Variants in PLCG2 observed in about 807,000 individuals in gnomAD.
The protein encoded by PLCG2 is 1-phosphatidylinositol 4,5-bisphosphate phosphodiesterase gamma-2.
A neutral mutation model predicts 175.6 loss-of-function variants in PLCG2; 69 were observed. The ratio of observed to expected loss-of-function variants is 0.39; its 90% CI spans 0.32 to 0.48. The LOEUF (loss-of-function observed/expected upper bound fraction) is 0.48. Ranked by LOEUF, PLCG2 falls within the 20% of genes least tolerant of loss-of-function variation. The pLI is 0.91. For missense variants in PLCG2, 1,798 were observed against 1,650.9 expected, an observed-to-expected ratio of 1.09 and a Z score of -1.54; for synonymous variants, 827 against 624.0, an observed-to-expected ratio of 1.33 and a Z score of -4.85.
intron 2 of PLCG2, among the ~76,000 whole-genome samples, chr16:81,834,508 A>G (rs1295399967): frequency 6.6e-6 from 1 of 152,044 alleles, no homozygotes; most frequent in East Asian, 1.9e-4. Context: ...TGATAATGGT[A>G]GTTACTTAGG....
chr16:81,797,651 C>T lies in PLCG2; in HGVS notation c.193+11469C>T, dbSNP rs368637152. Among the ~76,000 whole-genome samples the T allele has an allele frequency of 4.8e-4, 73 of 152,354 alleles. 1 individual carries two copies. In the South Asian group the frequency reaches 0.011, roughly 22 times the overall value. ...AGGAAAAGGCCCTGGCTGCCCCTTTCAGCCTCGGACTTCCGGTTTCTTCCT... is the reference window on the plus strand; with the variant it reads ...AGGAAAAGGCCCTGGCTGCCCCTTTTAGCCTCGGACTTCCGGTTTCTTCCT... On this transcript the variant is annotated intron_variant, in intron 2 of 32. Transcript: ENST00000564138.
At chr16:81,892,387 C>T (rs1432228625) in intron 11 of PLCG2, among the ~76,000 whole-genome samples, 1 of 152,132 alleles carries the variant, frequency 6.6e-6, no homozygotes, top group Non-Finnish European at 1.5e-5. Context: ...AGTATTTAGT[C>T]TGTCTTATTG....
chr16:81,784,867 G>C (rs1294260610), intron 1 of PLCG2, among the ~76,000 whole-genome samples: 1 of 152,126 alleles, frequency 6.6e-6, no homozygotes, highest in Non-Finnish European at 1.5e-5. Flanking sequence ...TTCACTCTAA[G>C]TCCTATTTTG....
chr16:81,841,614 G>A (rs538534648), intron 2 of PLCG2, among the ~76,000 whole-genome samples: 1 of 152,184 alleles, frequency 6.6e-6, no homozygotes, highest in East Asian at 1.9e-4. Context: ...CCATTTCATA[G>A]ATGAGAAAAT....
rs10710027 is a variant in PLCG2, at chr16:81,897,548, C to CTT, written c.1193+1635_1193+1636dup. 8.2e-3 allele frequency among the ~76,000 whole-genome samples: 1,058 copies of CTT among 128,660 alleles called. 14 individuals are homozygous for CTT. Among genetic ancestry groups the CTT allele is most frequent in the South Asian group, 0.031 (128 of 4,112 alleles). The allele number at this position is 128,660 out of a possible 152,430, so 84.4% of individuals were successfully genotyped here. ...CTCTTTTTTTCTTTTCTTTTCTTTT[C>CTT]TTTTTTTTTTTTTTTGAGATGGAGT... is the stretch of plus-strand genomic sequence containing the variant. On this transcript the variant is annotated intron_variant, in intron 13 of 32. Transcript: ENST00000564138.
At position 81,962,377 on chromosome 16, in the gene PLCG2, C is replaced by T. The variant is rs976661182; in HGVS notation, c.*4379C>T. On this transcript the variant is annotated 3_prime_UTR_variant, in exon 33 of 33. Coordinates refer to ENST00000564138, the MANE Select transcript of PLCG2 (RefSeq NM_002661.5). ...GAATTATACAGAATTAGAAAATTGG[C>T]ATTTAAAAATACTCAATAATTTGTC... 1 of 209,750 alleles carries T rather than the reference C, an allele frequency of 4.8e-6. No individual in the cohort carries two copies. The highest frequency in any genetic ancestry group is 5.9e-5 in the Admixed American group (1 of 16,918). The allele number at this position is 209,750 out of a possible 1,614,324, so 13.0% of individuals were successfully genotyped here.
intron 2 of PLCG2, among the ~76,000 whole-genome samples, chr16:81,824,004 T>TTTTCCTTTCCTTTCCTTTCCTTTCC (rs71146048): frequency 2.1e-4 from 18 of 85,842 alleles, no homozygotes; most frequent in African/African-American, 3.3e-4. Flanking sequence ...TTCTTTTTCT[T>TTTTCCTTTCCTTTCCTTTCCTTTCC]TTTCCTTTCC....
intron 2 of PLCG2, among the ~76,000 whole-genome samples, chr16:81,839,737 A>G (rs1905720878): frequency 6.6e-6 from 1 of 152,228 alleles, no homozygotes; most frequent in Non-Finnish European, 1.5e-5. Flanking sequence ...AAAAACACCA[A>G]GTTTAAATGG....
chr16:81,820,395 G>T (rs1373406855), intron 2 of PLCG2, among the ~76,000 whole-genome samples: 2 of 152,046 alleles, frequency 1.3e-5, no homozygotes, highest in African/African-American at 2.4e-5. Context: ...CTTGGTTTTA[G>T]AATTTCATAA....
intron 26 of PLCG2, 87 bp downstream of exon 26, chr16:81,934,618 G>C (rs1910633109): frequency 9.7e-6 from 8 of 827,484 alleles, no homozygotes; most frequent in Non-Finnish European, 1.6e-5. Context: ...GGGGCAGAGA[G>C]TGCATTCTCT....
At position 81,932,459 on chromosome 16, in the gene PLCG2, G is replaced by T. The variant is rs74029306; in HGVS notation, c.2739+805G>T. On this transcript the variant is annotated intron_variant, in intron 25 of 32. Transcript: ENST00000564138. ...GTGGCTGCCGAACTGGAAAGAAATT[G>T]TAGGGTTTCCCATGCACCCATTTGT... Among the ~76,000 whole-genome samples the T allele has an allele frequency of 3.2e-3, 495 of 152,342 alleles. 3 individuals carry two copies. Among genetic ancestry groups the T allele is most frequent in the African/African-American group, 0.011 (458 of 41,578 alleles).
chr16:81,809,927 G>A (rs1339863399), intron 2 of PLCG2, among the ~76,000 whole-genome samples: 1 of 152,058 alleles, frequency 6.6e-6, no homozygotes, highest in Non-Finnish European at 1.5e-5. Flanking sequence ...CATCCAAGAT[G>A]CAATGCCTTT....
At chr16:81,757,232 C>T (rs9940120) in intron 2 of PLCG2, among the ~76,000 whole-genome samples, 102 of 152,192 alleles carry the variant, frequency 6.7e-4, no homozygotes, top group African/African-American at 2.3e-3. Context: ...ATCATTCATC[C>T]ATTCATCCAT....
At chr16:81,863,451 C>T (rs924162564) in intron 5 of PLCG2, among the ~76,000 whole-genome samples, 1 of 152,238 alleles carries the variant, frequency 6.6e-6, no homozygotes, top group African/African-American at 2.4e-5. Flanking sequence ...ACTTCTCCAT[C>T]GATGGACACT....
chr16:81,935,228 G>A (rs1016500233), intron 26 of PLCG2, among the ~76,000 whole-genome samples: 4 of 152,112 alleles, frequency 2.6e-5, no homozygotes, highest in African/African-American at 9.7e-5. Context: ...GTTTCTGGGG[G>A]CTGCTGGCAT....
chr16:81,778,784 G>C (rs1310517213), upstream of PLCG2, among the ~76,000 whole-genome samples: 1 of 151,776 alleles, frequency 6.6e-6, no homozygotes, highest in Non-Finnish European at 1.5e-5. Flanking sequence ...ATTCCTGGCG[G>C]GTAATTGTGA....
chr16:81,748,562 G>C (rs1448763516), intron 1 of PLCG2, among the ~76,000 whole-genome samples: 1 of 152,118 alleles, frequency 6.6e-6, no homozygotes, highest in Non-Finnish European at 1.5e-5. Context: ...GGGACATTAG[G>C]GGTAAACAGG....
At chr16:81,765,901 C>T (rs1910139521) in intron 2 of PLCG2, among the ~76,000 whole-genome samples, 1 of 152,238 alleles carries the variant, frequency 6.6e-6, no homozygotes, top group Non-Finnish European at 1.5e-5. Context: ...GGAAAGGGCC[C>T]TGGGGGCCCC....
At chr16:81,856,850 A>G (rs147726716) in intron 3 of PLCG2, among the ~76,000 whole-genome samples, 21 of 152,296 alleles carry the variant, frequency 1.4e-4, no homozygotes, top group African/African-American at 2.9e-4. Flanking sequence ...TGGAATCACA[A>G]GGGTTCTTAG....
Sources: allele counts gnomAD v4.1 joint callset (sites outside exome capture counted in the v4.1 genomes callset), GRCh38; gene constraint gnomAD v4.1.1; transcripts MANE v1.5; gene names NCBI Gene and HGNC (gene_info 2026-07-23, HGNC 2026-07-21).